CFAP299: variants seen among roughly 807,000 people sequenced by gnomAD.
CFAP299 encodes cilia and flagella associated protein 299.
Under a neutral mutation model 27.0 loss-of-function variants are expected in CFAP299, and 21 were observed. The observed-to-expected ratio is 0.78, with a 90% CI of 0.55 to 1.12. The LOEUF (loss-of-function observed/expected upper bound fraction) is 1.12, where lower values mean the gene tolerates loss of function less well. Among genes scored for constraint, CFAP299 ranks in the 50% most tolerant of loss-of-function variants. The probability of loss-of-function intolerance (pLI) is 0.00; values close to 1 mark genes in which losing one functional copy is unlikely to be tolerated. For synonymous variants in CFAP299, 104 were observed against 98.1 expected, an observed-to-expected ratio of 1.06 and a Z score of -0.36; for missense variants, 310 against 276.6, an observed-to-expected ratio of 1.12 and a Z score of -0.86.
intron 3 of CFAP299, among the ~76,000 whole-genome samples, chr4:80,857,594 A>C (rs1009260457): frequency 6.6e-6 from 1 of 152,176 alleles, no homozygotes; most frequent in East Asian, 1.9e-4. Context: ...ATACCTAATT[A>C]ATTGAGAGTT....
intron 3 of CFAP299, among the ~76,000 whole-genome samples, chr4:80,592,235 C>A (rs1736825732): frequency 6.6e-6 from 1 of 151,888 alleles, no homozygotes; most frequent in Non-Finnish European, 1.5e-5. Flanking sequence ...TGTGTTACTG[C>A]AATTATAAAA....
At chr4:80,805,706 AC>A (rs1728828591) in intron 3 of CFAP299, among the ~76,000 whole-genome samples, 1 of 151,870 alleles carries the variant, frequency 6.6e-6, no homozygotes, top group Non-Finnish European at 1.5e-5. Flanking sequence ...TAAAATAAAA[AC>A]AATATAAATA....
intron 2 of CFAP299, among the ~76,000 whole-genome samples, chr4:80,472,504 G>C (rs920782805): frequency 6.6e-6 from 1 of 152,208 alleles, no homozygotes; most frequent in African/African-American, 2.4e-5. Context: ...GGTATAGTGA[G>C]TGTGAATGAG....
intron 2 of CFAP299, among the ~76,000 whole-genome samples, chr4:80,384,980 A>G (rs1194185396): frequency 6.6e-6 from 1 of 152,182 alleles, no homozygotes; most frequent in African/African-American, 2.4e-5. Context: ...ATTTAATTGA[A>G]AGAATATATA....
chr4:80,398,157 A>G (rs1725923176), intron 2 of CFAP299, among the ~76,000 whole-genome samples: 2 of 152,314 alleles, frequency 1.3e-5, no homozygotes, highest in East Asian at 1.9e-4. Context: ...TTCAAGGAGA[A>G]CTACAAACCA....
At chr4:80,580,975 C>A (rs1457650183) in intron 2 of CFAP299, among the ~76,000 whole-genome samples, 2 of 151,916 alleles carry the variant, frequency 1.3e-5, no homozygotes, top group African/African-American at 4.8e-5. Context: ...CCGCAGTAAA[C>A]CTGCTATTTA....
rs1034774291 is a variant in CFAP299, at chr4:80,734,034, A to G, written c.334-135959A>G. ...TAGCTCTATTTTTAGTTTTTTAAGG[A>G]ACCTCCATACTGTTCTCCAGAGTGG... On this transcript the variant is annotated intron_variant, in intron 3 of 5. Coordinates refer to ENST00000358105, the MANE Select transcript of CFAP299 (RefSeq NM_152770.3). 5.3e-5 allele frequency among the ~76,000 whole-genome samples: 8 copies of G among 152,202 alleles called. No homozygotes were observed. The South Asian group carries it at 1.7e-3, about 32-fold the overall frequency.
At chr4:80,473,059 G>A (rs1474991436) in intron 2 of CFAP299, among the ~76,000 whole-genome samples, 1 of 152,102 alleles carries the variant, frequency 6.6e-6, no homozygotes, top group South Asian at 2.1e-4. Flanking sequence ...CCCTCAAGGG[G>A]CTTAAGATTT....
intron 2 of CFAP299, among the ~76,000 whole-genome samples, chr4:80,523,076 C>A (rs1287999474): frequency 1.3e-5 from 2 of 152,082 alleles, no homozygotes; most frequent in Non-Finnish European, 2.9e-5. Context: ...ATTTGTACAT[C>A]TCTTTGGATA....
intron 2 of CFAP299, among the ~76,000 whole-genome samples, chr4:80,537,560 A>T (rs990671581): frequency 6.6e-6 from 1 of 152,190 alleles, no homozygotes; most frequent in Non-Finnish European, 1.5e-5. Context: ...GAAGGGCATT[A>T]TGTTAAGTGA....
At chr4:80,664,893 C>T (rs991149151) in intron 3 of CFAP299, among the ~76,000 whole-genome samples, 4 of 152,112 alleles carry the variant, frequency 2.6e-5, no homozygotes, top group Admixed American at 6.5e-5. Context: ...CTGTGGATTG[C>T]GAAGACCTTG....
intron 3 of CFAP299, among the ~76,000 whole-genome samples, chr4:80,735,682 A>G (rs566682750): frequency 2.9e-4 from 44 of 152,230 alleles, no homozygotes; most frequent in African/African-American, 1.0e-3. Flanking sequence ...TCTCAGCACC[A>G]GTCAAAATGA....
At chr4:80,680,723 A>G (rs1416275728) in intron 3 of CFAP299, among the ~76,000 whole-genome samples, 1 of 152,188 alleles carries the variant, frequency 6.6e-6, no homozygotes, top group African/African-American at 2.4e-5. Context: ...AATTCCTTTA[A>G]CCTTCATTTA....
intron 1 of CFAP299, among the ~76,000 whole-genome samples, chr4:80,361,948 A>G (rs1723568187): frequency 6.6e-6 from 1 of 152,118 alleles, no homozygotes; most frequent in African/African-American, 2.4e-5. Context: ...CACTATTAAT[A>G]TATAAATACT....
At chr4:80,841,805 T>A (rs961032400) in intron 3 of CFAP299, among the ~76,000 whole-genome samples, 3 of 152,064 alleles carry the variant, frequency 2.0e-5, no homozygotes. Context: ...TATTGTCTTA[T>A]GTGACCAAAA....
At chr4:80,708,250 C>T (rs1721935681) in intron 3 of CFAP299, among the ~76,000 whole-genome samples, 1 of 152,028 alleles carries the variant, frequency 6.6e-6, no homozygotes, top group Non-Finnish European at 1.5e-5. Flanking sequence ...TTTGGGATGG[C>T]TAGTAAAGGA....
chr4:80,792,069 T>C (rs902591387), intron 3 of CFAP299, among the ~76,000 whole-genome samples: 4 of 152,056 alleles, frequency 2.6e-5, no homozygotes, highest in Non-Finnish European at 5.9e-5. Flanking sequence ...TCACACCCTA[T>C]ATATGACTTT....
At chr4:80,735,935 G>A (rs985305176) in intron 3 of CFAP299, among the ~76,000 whole-genome samples, 2 of 151,892 alleles carry the variant, frequency 1.3e-5, no homozygotes, top group Non-Finnish European at 2.9e-5. Flanking sequence ...TGGTATCAGG[G>A]TAATACTGGC....
At chr4:80,532,846 A>G (rs949102966) in intron 2 of CFAP299, among the ~76,000 whole-genome samples, 9 of 152,218 alleles carry the variant, frequency 5.9e-5, no homozygotes, top group Admixed American at 1.3e-4. Flanking sequence ...CAAAGCTAGC[A>G]GTGACGGTAG....
Sources: gnomAD v4.1 joint callset for allele counts (sites outside exome capture counted in the v4.1 genomes callset) on GRCh38, gnomAD v4.1.1 for gene constraint, MANE v1.5 for transcripts, NCBI Gene and HGNC (gene_info 2026-07-23, HGNC 2026-07-21) for gene names.